CADPS2: variants seen among roughly 807,000 people sequenced by gnomAD.
CADPS2 encodes the protein calcium dependent secretion activator 2, also known as calcium-dependent secretion activator 2.
In CADPS2, 93 loss-of-function variants were observed where a neutral mutation model predicts 172.5. The observed-to-expected ratio is 0.54, with a 90% CI of 0.46 to 0.64. The LOEUF (loss-of-function observed/expected upper bound fraction) is 0.64, where lower values mean the gene tolerates loss of function less well. Among genes scored for constraint, CADPS2 ranks in the 30% least tolerant of loss-of-function variants. The pLI is 0.00. For synonymous variants in CADPS2, 546 were observed against 555.2 expected (o/e 0.98, Z 0.23); for missense variants, 1,420 against 1,565.9 (o/e 0.91, Z 1.57).
intron 3 of CADPS2, among the ~76,000 whole-genome samples, chr7:122,636,891 A>G (rs998921820): frequency 2.6e-5 from 4 of 151,570 alleles, no homozygotes; most frequent in Admixed American, 2.6e-4. Context: ...TGTACGTCCA[A>G]CTCTCTAGTG....
At chr7:122,825,278 C>T (rs985042687) in intron 1 of CADPS2, among the ~76,000 whole-genome samples, 1 of 151,982 alleles carries the variant, frequency 6.6e-6, no homozygotes, top group Non-Finnish European at 1.5e-5. Flanking sequence ...AGAAAATAAC[C>T]CAAGCATGAG....
intron 1 of CADPS2, among the ~76,000 whole-genome samples, chr7:122,882,594 A>G (rs1319088809): frequency 6.7e-6 from 1 of 150,252 alleles, no homozygotes; most frequent in Non-Finnish European, 1.5e-5. Context: ...GGATCTCTCT[A>G]ACTTTCAAAC....
chr7:122,373,598 A>T (rs2042016932), intron 25 of CADPS2, among the ~76,000 whole-genome samples: 1 of 152,144 alleles, frequency 6.6e-6, no homozygotes, highest in South Asian at 2.1e-4. Flanking sequence ...GTCAATCGGT[A>T]AATAGTGGAA....
chr7:122,751,343 A>C (rs114386173), intron 1 of CADPS2, among the ~76,000 whole-genome samples: 2,233 of 152,202 alleles, frequency 0.015, 54 homozygotes, highest in African/African-American at 0.051. Flanking sequence ...GATTTAAAAA[A>C]ATCATGTCGA....
intron 1 of CADPS2, among the ~76,000 whole-genome samples, chr7:122,788,055 A>C (rs917771508): frequency 4.6e-5 from 7 of 152,192 alleles, no homozygotes; most frequent in Non-Finnish European, 1.0e-4. Context: ...GAGAAAGTAG[A>C]AGTTAACTCA....
chr7:122,433,423 G>A (rs1379601079), intron 17 of CADPS2, among the ~76,000 whole-genome samples: 2 of 134,594 alleles, frequency 1.5e-5, no homozygotes, highest in African/African-American at 5.5e-5. Context: ...TTTTTTTTGA[G>A]ATGGAGTTTT....
At chr7:122,422,513 A>T (rs1481008386) in intron 17 of CADPS2, among the ~76,000 whole-genome samples, 4 of 152,180 alleles carry the variant, frequency 2.6e-5, no homozygotes, top group Admixed American at 2.0e-4. Context: ...CCCCCTGCAG[A>T]AATATAAAGC....
At chr7:122,613,044 C>T (rs1006527734) in intron 6 of CADPS2, among the ~76,000 whole-genome samples, 4 of 151,922 alleles carry the variant, frequency 2.6e-5, no homozygotes, top group South Asian at 2.1e-4. Context: ...AAAAATCAAC[C>T]TAAAATGGAT....
At chr7:122,557,586 T>C in intron 7 of CADPS2, among the ~76,000 whole-genome samples, 1 of 152,176 alleles carries the variant, frequency 6.6e-6, no homozygotes, top group East Asian at 1.9e-4. Flanking sequence ...AGTTCACAGG[T>C]TTCCAGCCTG....
chr7:122,698,323 G>A, intron 2 of CADPS2: 1 of 1,614,004 alleles, frequency 6.2e-7, no homozygotes, highest in Non-Finnish European at 8.5e-7. Flanking sequence ...TAAGGTAGCA[G>A]TTGTGACAAT....
chr7:122,360,826 G>A lies in CADPS2; in HGVS notation c.3472-6C>T. The A allele has an allele frequency of 3.2e-6, 5 of 1,571,298 alleles. No individual in the cohort carries two copies. Among genetic ancestry groups the A allele is most frequent in the African/African-American group, 1.4e-5 (1 of 73,992 alleles). Reference sequence around the variant, plus strand: ...TATTTTGCAGCTGCTTTCACCTTAAGTGTGAAAGAAAGAGATAATCATGAG... The same window carrying A: ...TATTTTGCAGCTGCTTTCACCTTAAATGTGAAAGAAAGAGATAATCATGAG... On this transcript the variant is annotated splice_polypyrimidine_tract_variant and splice_region_variant and intron_variant, in intron 26 of 29. Coordinates refer to ENST00000449022, the MANE Select transcript of CADPS2 (RefSeq NM_017954.11).
rs577977145 is a variant in CADPS2 at position 122,393,048 on chromosome 7, T to C, written c.3008+148A>G. 10 of 904,742 alleles carry C rather than the reference T, an allele frequency of 1.1e-5. No individual in the cohort carries two copies. The Admixed American group carries it at 3.0e-4, about 27-fold the overall frequency. 56.0% of individuals were successfully genotyped at this position (904,742 alleles called of 1,614,324 possible). ...CACAGATATGCTAAGCTTAGCTTAC[T>C]AGCTTAAAAACTCAAATAAAAAAAA... On this transcript the variant is annotated intron_variant, in intron 22 of 29. Transcript: ENST00000449022.
intron 1 of CADPS2, among the ~76,000 whole-genome samples, chr7:122,849,114 C>T (rs1305826672): frequency 6.6e-6 from 1 of 152,150 alleles, no homozygotes; most frequent in East Asian, 1.9e-4. Flanking sequence ...AAACTATACA[C>T]GGACAACTCA....
At chr7:122,501,075 C>G (rs892753487) in intron 9 of CADPS2, among the ~76,000 whole-genome samples, 5 of 151,774 alleles carry the variant, frequency 3.3e-5, no homozygotes, top group African/African-American at 4.8e-5. Flanking sequence ...GGCAACTAAA[C>G]GAGACCCCCA....
At chr7:122,801,505 A>G (rs1431535060) in intron 1 of CADPS2, among the ~76,000 whole-genome samples, 1 of 152,224 alleles carries the variant, frequency 6.6e-6, no homozygotes, top group Admixed American at 6.5e-5. Flanking sequence ...TTCATTTAAT[A>G]AAAAATATCT....
At chr7:122,698,481 T>G (rs377007290) in intron 2 of CADPS2, 1 of 1,613,796 alleles carries the variant, frequency 6.2e-7, no homozygotes, top group African/African-American at 1.3e-5. Flanking sequence ...CATCTTCAAA[T>G]GCCTGATGAA....
At position 122,615,174 on chromosome 7, in the gene CADPS2, G is replaced by A. The variant is rs1404836379; in HGVS notation, c.1223+7C>T. On this transcript the variant is annotated splice_region_variant and intron_variant, in intron 6 of 29. Coordinates refer to ENST00000449022, the MANE Select transcript of CADPS2 (RefSeq NM_017954.11). ...CAACAATAATACACTTTTTTCAACT[G>A]GCTTACTGTGGCCTTGAGGCTTCGG... 1.3e-6 allele frequency: 2 copies of A among 1,485,438 alleles called. No individual in the cohort carries two copies. Among genetic ancestry groups the A allele is most frequent in the Non-Finnish European group, 1.8e-6 (2 of 1,095,818 alleles). 92.0% of individuals were successfully genotyped at this position (1,485,438 alleles called of 1,614,324 possible).
intron 2 of CADPS2, among the ~76,000 whole-genome samples, chr7:122,678,483 G>A (rs1027181114): frequency 1.4e-4 from 22 of 152,154 alleles, no homozygotes; most frequent in Non-Finnish European, 2.4e-4. Context: ...TGGAGTTTAC[G>A]TTTTTTGTAA....
intron 1 of CADPS2, among the ~76,000 whole-genome samples, chr7:122,864,442 T>C (rs1585014625): frequency 6.6e-6 from 1 of 151,984 alleles, no homozygotes; most frequent in Non-Finnish European, 1.5e-5. Context: ...AAATTGCCAC[T>C]GCACTCGAGC....
Sources: gnomAD v4.1 joint callset for allele counts (sites outside exome capture counted in the v4.1 genomes callset) on GRCh38, gnomAD v4.1.1 for gene constraint, MANE v1.5 for transcripts, NCBI Gene and HGNC (gene_info 2026-07-23, HGNC 2026-07-21) for gene names.